RASAL2: variants seen among roughly 807,000 people sequenced by gnomAD.
RASAL2 encodes RAS protein activator like 2.
RASAL2 carries 58 observed loss-of-function variants against 128.9 expected under a neutral mutation model. The observed-to-expected ratio is 0.45, with a 90% CI of 0.36 to 0.56. RASAL2 has a LOEUF of 0.56. Among genes scored for constraint, RASAL2 ranks in the 20% least tolerant of loss-of-function variants. The pLI, the probability that RASAL2 is intolerant of heterozygous loss-of-function variation, is 0.00. For missense variants in RASAL2, 1,360 were observed against 1,601.6 expected (o/e 0.85, Z 2.57); for synonymous variants, 561 against 580.8 (o/e 0.97, Z 0.49).
intron 5 of RASAL2, among the ~76,000 whole-genome samples, chr1:178,425,524 G>T (rs1198627006): frequency 6.6e-6 from 1 of 152,156 alleles, no homozygotes; most frequent in East Asian, 1.9e-4. Context: ...TTAGGATTCA[G>T]TTTAGTTGCC....
At chr1:178,465,154 C>T (rs775167222) in intron 15 of RASAL2, among the ~76,000 whole-genome samples, 2 of 152,066 alleles carry the variant, frequency 1.3e-5, no homozygotes, top group Non-Finnish European at 2.9e-5. Flanking sequence ...CTCCTTAGAA[C>T]ACAAACATGT....
chr1:178,107,502 A>G (rs1000047078), intron 1 of RASAL2, among the ~76,000 whole-genome samples: 6 of 152,166 alleles, frequency 3.9e-5, no homozygotes, highest in East Asian at 1.9e-4. Flanking sequence ...TAAGTTTGCT[A>G]TATTTAATAA....
chr1:178,206,381 C>T (rs1301385322), intron 1 of RASAL2, among the ~76,000 whole-genome samples: 3 of 152,214 alleles, frequency 2.0e-5, no homozygotes, highest in Non-Finnish European at 2.9e-5. Flanking sequence ...TTAAAACTCT[C>T]AGCTAAGGAT....
At chr1:178,345,499 G>A (rs963119079) in intron 3 of RASAL2, among the ~76,000 whole-genome samples, 1 of 152,114 alleles carries the variant, frequency 6.6e-6, no homozygotes, top group Non-Finnish European at 1.5e-5. Flanking sequence ...CAGCACTGTT[G>A]TGTAACTATT....
At chr1:178,144,857 C>T (rs918426796) in intron 1 of RASAL2, among the ~76,000 whole-genome samples, 4 of 152,072 alleles carry the variant, frequency 2.6e-5, no homozygotes, top group African/African-American at 4.8e-5. Context: ...TTTTAGATGA[C>T]CAGAAAAATT....
rs1550222 is a variant in RASAL2 at position 178,191,659 on chromosome 1, C to G, written c.203-91905C>G. 5.1e-3 allele frequency among the ~76,000 whole-genome samples: 773 copies of G among 152,298 alleles called. 4 individuals are homozygous for G. The highest frequency in any genetic ancestry group is 0.018 in the African/African-American group (742 of 41,572). On this transcript the variant is annotated intron_variant, in intron 1 of 17. Coordinates refer to ENST00000367649, the MANE Select transcript of RASAL2 (RefSeq NM_170692.4). ...TGTCTTCAAAGCTTTCCTTGACTTT[C>G]CCAAGCTGACTTGGGTAATTCCTAG...
chr1:178,455,953 G>T (rs16852852), intron 12 of RASAL2, among the ~76,000 whole-genome samples: 2 of 152,154 alleles, frequency 1.3e-5, no homozygotes, highest in African/African-American at 4.8e-5. Flanking sequence ...CTGTGAAATG[G>T]GCCTGGTTTA....
rs530235207 is a variant in RASAL2, at chr1:178,424,219, T to G, written c.674+3599T>G. On this transcript the variant is annotated intron_variant, in intron 5 of 17. Coordinates refer to ENST00000367649, the MANE Select transcript of RASAL2 (RefSeq NM_170692.4). ...TTTTGAAATCTTCAAAGTGTTGTGG[T>G]TTTTTTTTTTTGGTTTTTTTTGTTT... Among the ~76,000 whole-genome samples, 36 of 137,740 alleles carry G rather than the reference T, an allele frequency of 2.6e-4. 1 individual carries two copies. Among genetic ancestry groups the G allele is most frequent in the East Asian group, 8.2e-4 (4 of 4,882 alleles). The allele number at this position is 137,740 out of a possible 152,430, so 90.4% of individuals were successfully genotyped here.
chr1:178,404,010 A>T (rs964676901), intron 4 of RASAL2, among the ~76,000 whole-genome samples: 1 of 152,138 alleles, frequency 6.6e-6, no homozygotes, highest in African/African-American at 2.4e-5. Flanking sequence ...GCAGATCACC[A>T]GGTCAGGAGT....
At chr1:178,389,351 C>T (rs1672761245) in intron 3 of RASAL2, 1 of 692,042 alleles carries the variant, frequency 1.4e-6, no homozygotes, top group Non-Finnish European at 1.8e-6. Context: ...CGTGTGTATG[C>T]ATATATATAT....
chr1:178,152,772 C>T (rs569613079), intron 1 of RASAL2, among the ~76,000 whole-genome samples: 1 of 152,318 alleles, frequency 6.6e-6, no homozygotes, highest in East Asian at 1.9e-4. Context: ...AACCATTACT[C>T]AGCTTCAACA....
intron 1 of RASAL2, among the ~76,000 whole-genome samples, chr1:178,252,118 A>G (rs1043935118): frequency 7.2e-5 from 11 of 152,158 alleles, no homozygotes; most frequent in South Asian, 2.1e-4. Flanking sequence ...TTTTTGTTCT[A>G]ATTTCCTCGT....
At chr1:178,352,027 G>C (rs1395146839) in intron 3 of RASAL2, among the ~76,000 whole-genome samples, 3 of 152,140 alleles carry the variant, frequency 2.0e-5, no homozygotes, top group Non-Finnish European at 4.4e-5. Context: ...AGAATCATCT[G>C]AATCATCAGA....
chr1:178,224,563 T>A (rs1396352578), intron 1 of RASAL2, among the ~76,000 whole-genome samples: 1 of 152,182 alleles, frequency 6.6e-6, no homozygotes, highest in East Asian at 1.9e-4. Context: ...TTTTGAAAGA[T>A]GTCATCTTCT....
chr1:178,399,955 G>A (rs973984560), intron 4 of RASAL2, among the ~76,000 whole-genome samples: 3 of 152,130 alleles, frequency 2.0e-5, no homozygotes, highest in African/African-American at 7.2e-5. Context: ...AGCTCTCTAC[G>A]ATTCCATGCC....
At chr1:178,180,663 T>TCACACACA (rs3979280) in intron 1 of RASAL2, among the ~76,000 whole-genome samples, 5,354 of 138,972 alleles carry the variant, frequency 0.039, 147 homozygotes, top group East Asian at 0.093. Context: ...CGAGACTGTC[T>TCACACACA]CACACACACA....
chr1:178,346,450 T>C (rs953913357), intron 3 of RASAL2, among the ~76,000 whole-genome samples: 1 of 151,972 alleles, frequency 6.6e-6, no homozygotes, highest in African/African-American at 2.4e-5. Flanking sequence ...AATCGCTATA[T>C]ACATCCTGAT....
intron 3 of RASAL2, among the ~76,000 whole-genome samples, chr1:178,354,638 T>A (rs769909438): frequency 6.6e-6 from 1 of 152,160 alleles, no homozygotes; most frequent in Non-Finnish European, 1.5e-5. Context: ...GATAACAAGA[T>A]CCATAAACAA....
rs1648647989 is a variant in RASAL2 at position 178,476,034 on chromosome 1, C to T, written c.*2795C>T. ...TTTTATGGAGATGTTTCTTAATTGG[C>T]TTTCCCTCAGTTCAAGTAGGTAAAT... On this transcript the variant is annotated 3_prime_UTR_variant, in exon 18 of 18. Coordinates refer to ENST00000367649, the MANE Select transcript of RASAL2 (RefSeq NM_170692.4). The T allele has an allele frequency of 6.6e-6, 1 of 152,228 alleles. No homozygotes were observed. The highest frequency in any genetic ancestry group is 1.5e-5 in the Non-Finnish European group (1 of 68,052). 9.4% of individuals were successfully genotyped at this position (152,228 alleles called of 1,614,324 possible). A position where few individuals can be genotyped will look rare whatever the true frequency, so the allele number is the denominator to read the frequency against.
Sources: allele counts gnomAD v4.1 joint callset (sites outside exome capture counted in the v4.1 genomes callset), GRCh38; gene constraint gnomAD v4.1.1; transcripts MANE v1.5; gene names NCBI Gene and HGNC (gene_info 2026-07-23, HGNC 2026-07-21).